Variants in LRMDA observed in about 807,000 individuals in gnomAD.
LRMDA encodes leucine rich melanocyte differentiation associated.
In LRMDA, 18 loss-of-function variants were observed where a neutral mutation model predicts 29.8. The ratio of observed to expected loss-of-function variants is 0.60; its 90% confidence interval spans 0.42 to 0.90. The LOEUF is 0.90. LRMDA is among the 40% of genes least tolerant of loss of function. The pLI, the probability that LRMDA is intolerant of heterozygous loss-of-function variation, is 0.00. For synonymous variants in LRMDA, 125 were observed against 109.4 expected (o/e 1.14, Z -0.89); for missense variants, 273 against 273.9 (o/e 1.00, Z 0.02).
At chr10:76,281,574 C>T (rs921519361) in intron 5 of LRMDA, among the ~76,000 whole-genome samples, 1 of 152,110 alleles carries the variant, frequency 6.6e-6, no homozygotes, top group Admixed American at 6.6e-5. Context: ...TTCCCCCAAC[C>T]CCCCCATCAT....
At chr10:76,324,567 C>T (rs1425292275) in intron 6 of LRMDA, 82 bp downstream of exon 6, 2 of 1,219,226 alleles carry the variant, frequency 1.6e-6, no homozygotes, top group Non-Finnish European at 2.4e-6. Flanking sequence ...ATTACTGCTG[C>T]CTCGGCACTT....
intron 2 of LRMDA, among the ~76,000 whole-genome samples, chr10:75,882,240 TC>T (rs1163864561): frequency 4.6e-5 from 7 of 152,232 alleles, no homozygotes; most frequent in African/African-American, 7.2e-5. Flanking sequence ...TGGCCAGGAA[TC>T]TTATTTTTTT....
At chr10:76,397,768 G>A (rs982406264) in intron 6 of LRMDA, among the ~76,000 whole-genome samples, 3 of 152,322 alleles carry the variant, frequency 2.0e-5, no homozygotes, top group African/African-American at 4.8e-5. Context: ...TCGGAGAACC[G>A]GAGAGAGGGG....
chr10:76,415,316 C>T (rs927343887), intron 6 of LRMDA, among the ~76,000 whole-genome samples: 1 of 152,192 alleles, frequency 6.6e-6, no homozygotes, highest in South Asian at 2.1e-4. Flanking sequence ...AGACCTGCTA[C>T]AAGGGCTTTC....
intron 6 of LRMDA, among the ~76,000 whole-genome samples, chr10:76,533,142 AGAGCGAGAGT>A (rs1418260168): frequency 7.7e-6 from 1 of 130,240 alleles, no homozygotes; most frequent in Non-Finnish European, 1.8e-5. Context: ...ATGGAGAGCG[AGAGCGAGAGT>A]GAGAGAGAGC....
intron 5 of LRMDA, among the ~76,000 whole-genome samples, chr10:76,138,264 C>T (rs146319996): frequency 1.1e-4 from 16 of 152,196 alleles, no homozygotes; most frequent in East Asian, 9.7e-4. Context: ...AGTGGTTTTC[C>T]GGAGCTGACA....
chr10:76,517,992 G>A (rs1334213267), intron 6 of LRMDA, among the ~76,000 whole-genome samples: 1 of 148,964 alleles, frequency 6.7e-6, no homozygotes, highest in African/African-American at 2.4e-5. Context: ...GCTTAGAAGT[G>A]GAACAAATAC....
chr10:76,501,746 T>C (rs577588463), intron 6 of LRMDA, among the ~76,000 whole-genome samples: 5 of 151,990 alleles, frequency 3.3e-5, no homozygotes, highest in Non-Finnish European at 7.4e-5. Context: ...TCCCTATAGA[T>C]TCTGGATATT....
At chr10:76,503,317 C>T (rs540629389) in intron 6 of LRMDA, among the ~76,000 whole-genome samples, 74 of 151,850 alleles carry the variant, frequency 4.9e-4, no homozygotes, top group South Asian at 1.5e-3. Context: ...CTGGAGCCTA[C>T]GGACTGGCGC....
chr10:75,787,904 C>A (rs1843500071), intron 2 of LRMDA, among the ~76,000 whole-genome samples: 1 of 152,132 alleles, frequency 6.6e-6, no homozygotes, highest in South Asian at 2.1e-4. Flanking sequence ...TGGTGGGCAC[C>A]TGTAGTCCCA....
In LRMDA at chr10:75,737,445, C is replaced by T. The variant is rs575184023; in HGVS notation, c.132-298563C>T. 3.9e-5 allele frequency among the ~76,000 whole-genome samples: 6 copies of T among 152,306 alleles called. No homozygotes were observed. The South Asian group carries it at 1.2e-3, about 32-fold the overall frequency. On this transcript the variant is annotated intron_variant, in intron 2 of 6. Transcript: ENST00000611255. ...GGGTATCTGCAGCAGTCTGGGAGGG[C>T]CTGGGCATGTTTCTTGGCATGTGGG...
chr10:76,200,532 A>G (rs1412542726), intron 5 of LRMDA, among the ~76,000 whole-genome samples: 1 of 151,984 alleles, frequency 6.6e-6, no homozygotes, highest in Non-Finnish European at 1.5e-5. Flanking sequence ...TTGGGGTGGG[A>G]TGGTCATATG....
intron 2 of LRMDA, among the ~76,000 whole-genome samples, chr10:75,467,887 G>A (rs932351286): frequency 6.6e-6 from 1 of 151,642 alleles, no homozygotes; most frequent in Non-Finnish European, 1.5e-5. Flanking sequence ...CATGAACTCG[G>A]GAGGTGGAGG....
chr10:76,133,852 G>A (rs923072868), intron 5 of LRMDA, among the ~76,000 whole-genome samples: 1 of 152,084 alleles, frequency 6.6e-6, no homozygotes, highest in Non-Finnish European at 1.5e-5. Flanking sequence ...GGGAAGGGGG[G>A]AGATGAGGAT....
chr10:75,860,307 T>C (rs1844903244), intron 2 of LRMDA, among the ~76,000 whole-genome samples: 1 of 142,868 alleles, frequency 7.0e-6, no homozygotes, highest in Non-Finnish European at 1.5e-5. Context: ...TTATGATGTT[T>C]CTGGTTTTTT....
intron 5 of LRMDA, among the ~76,000 whole-genome samples, chr10:76,219,117 C>T (rs960034433): frequency 6.6e-6 from 1 of 152,102 alleles, no homozygotes; most frequent in African/African-American, 2.4e-5. Context: ...GAAGGAAGCA[C>T]TAAACATGGA....
At chr10:75,568,128 T>C (rs1840396320) in intron 2 of LRMDA, among the ~76,000 whole-genome samples, 1 of 152,192 alleles carries the variant, frequency 6.6e-6, no homozygotes, top group East Asian at 1.9e-4. Context: ...TATGGCTGAG[T>C]GTGAAGAGCT....
intron 5 of LRMDA, among the ~76,000 whole-genome samples, chr10:76,305,667 G>A (rs1840545481): frequency 6.6e-6 from 1 of 152,170 alleles, no homozygotes; most frequent in Non-Finnish European, 1.5e-5. Context: ...TAGAAATATT[G>A]CACAGGACAT....
chr10:75,807,056 T>C (rs765464703), intron 2 of LRMDA, among the ~76,000 whole-genome samples: 3 of 152,190 alleles, frequency 2.0e-5, no homozygotes, highest in Non-Finnish European at 4.4e-5. Flanking sequence ...GGCCTCTGCC[T>C]GTTTAAGCTC....
Sources: gnomAD v4.1 joint callset for allele counts (sites outside exome capture counted in the v4.1 genomes callset) on GRCh38, gnomAD v4.1.1 for gene constraint, MANE v1.5 for transcripts, NCBI Gene and HGNC (gene_info 2026-07-23, HGNC 2026-07-21) for gene names.